The following EFCAB6 variants were observed in gnomAD, a reference collection of about 807,000 sequenced individuals.
EFCAB6 encodes EF-hand calcium binding domain 6.
A neutral mutation model predicts 169.8 loss-of-function variants in EFCAB6; 156 were observed. The observed-to-expected ratio is 0.92, with a 90% CI of 0.81 to 1.05. The LOEUF is 1.05. Ranked by LOEUF, EFCAB6 falls within the 50% of genes least tolerant of loss-of-function variation. The probability of loss-of-function intolerance (pLI) is 0.00; values close to 1 mark genes in which losing one functional copy is unlikely to be tolerated. For synonymous variants in EFCAB6, 698 were observed against 676.4 expected (o/e 1.03, Z -0.50); for missense variants, 1,800 against 1,829.1 (o/e 0.98, Z 0.29).
intron 17 of EFCAB6, among the ~76,000 whole-genome samples, chr22:43,640,072 AT>A (rs1025631765): frequency 2.6e-5 from 4 of 152,036 alleles, no homozygotes; most frequent in Non-Finnish European, 4.4e-5. Context: ...ATCACTGAGC[AT>A]TTTTATAATG....
chr22:43,551,155 A>G (rs1569144130), intron 27 of EFCAB6, among the ~76,000 whole-genome samples: 1 of 152,234 alleles, frequency 6.6e-6, no homozygotes, highest in Non-Finnish European at 1.5e-5. Context: ...AAAAAATGGC[A>G]TGAGGGTCTA....
At chr22:43,561,682 C>T (rs919109627) in intron 26 of EFCAB6, among the ~76,000 whole-genome samples, 2 of 152,180 alleles carry the variant, frequency 1.3e-5, no homozygotes, top group Non-Finnish European at 1.5e-5. Context: ...CCGCCAGCCT[C>T]GCTCGAGTGA....
chr22:43,735,253 G>A (rs915986490), intron 7 of EFCAB6, among the ~76,000 whole-genome samples: 5 of 152,018 alleles, frequency 3.3e-5, no homozygotes, highest in Admixed American at 2.0e-4. Context: ...AGCAGGTGGT[G>A]GTGGCGTTCA....
At chr22:43,715,158 G>A (rs576705558) in intron 9 of EFCAB6, among the ~76,000 whole-genome samples, 8 of 152,216 alleles carry the variant, frequency 5.3e-5, no homozygotes, top group South Asian at 4.2e-4. Context: ...CTCTTTTCTC[G>A]CCTTAGAGTC....
rs748300426 is a variant in EFCAB6, at chr22:43,782,304, C to A, written c.15G>T (p.Ala5=). ...GCGACCTAAGCCAGTCTGGTATAAT[C>A]GCCATTTTGCACATTAAATCCCTGT... is the stretch of plus-strand genomic sequence containing the variant. MCKM[A]IIPDWLRSHP... The change falls in exon 3 of 32, where the codon GCG becomes GCT. Residue 5 remains alanine (A), a synonymous_variant. Transcript: ENST00000262726. The A allele has an allele frequency of 1.9e-6, 3 of 1,612,734 alleles. No homozygotes were observed. Among genetic ancestry groups the A allele is most frequent in the South Asian group, 1.1e-5 (1 of 90,696 alleles).
chr22:43,570,100 G>C (rs1210532453), intron 26 of EFCAB6: 2 of 152,156 alleles, frequency 1.3e-5, no homozygotes, highest in Admixed American at 1.3e-4. Context: ...CCCTTTGGTT[G>C]AAAACTACAT....
intron 17 of EFCAB6, among the ~76,000 whole-genome samples, chr22:43,648,528 G>A (rs1490763636): frequency 6.6e-6 from 1 of 152,156 alleles, no homozygotes; most frequent in Non-Finnish European, 1.5e-5. Flanking sequence ...ACACAATGAT[G>A]AGAATAACAG....
At chr22:43,621,493 T>C (rs1358976544) in intron 20 of EFCAB6, among the ~76,000 whole-genome samples, 1 of 152,084 alleles carries the variant, frequency 6.6e-6, no homozygotes, top group Non-Finnish European at 1.5e-5. Flanking sequence ...TAGAAAATAA[T>C]TTGAAAATGA....
intron 31 of EFCAB6, 54 bp downstream of exon 31, chr22:43,530,761 C>T (rs2047006435): frequency 6.2e-7 from 1 of 1,603,968 alleles, no homozygotes; most frequent in Non-Finnish European, 8.5e-7. Context: ...TTTCTGGCCG[C>T]TGGCATTTGG....
chr22:43,589,979 A>C (rs2051360235), intron 24 of EFCAB6, 95 bp downstream of exon 24: 1 of 1,480,726 alleles, frequency 6.8e-7, no homozygotes, highest in Non-Finnish European at 9.1e-7. Flanking sequence ...TCATCTCAGA[A>C]GGCTGTTTGG....
intron 25 of EFCAB6, among the ~76,000 whole-genome samples, chr22:43,578,558 A>T (rs568119879): frequency 6.6e-6 from 1 of 152,198 alleles, no homozygotes; most frequent in South Asian, 2.1e-4. Flanking sequence ...CCACCTCACC[A>T]GGAGGCTGGT....
chr22:43,533,897 C>T (rs1363153754), intron 30 of EFCAB6, among the ~76,000 whole-genome samples: 1 of 152,136 alleles, frequency 6.6e-6, no homozygotes, highest in Non-Finnish European at 1.5e-5. Flanking sequence ...TGGGCTCTGG[C>T]CTCCTGGAGC....
intron 1 of EFCAB6, among the ~76,000 whole-genome samples, chr22:43,810,614 C>G (rs1256781100): frequency 6.6e-6 from 1 of 152,146 alleles, no homozygotes; most frequent in African/African-American, 2.4e-5. Context: ...CTGCAGAGAT[C>G]AGAGCATGGG....
chr22:43,690,854 T>C (rs1234907357), intron 10 of EFCAB6, among the ~76,000 whole-genome samples: 1 of 151,938 alleles, frequency 6.6e-6, no homozygotes, highest in Non-Finnish European at 1.5e-5. Context: ...CAGGTCTCAA[T>C]GCAATAACTG....
intron 26 of EFCAB6, among the ~76,000 whole-genome samples, chr22:43,564,204 T>C (rs1227701041): frequency 1.3e-5 from 2 of 152,018 alleles, no homozygotes; most frequent in East Asian, 3.9e-4. Context: ...TCCCAGCACT[T>C]TGGGAGGCTA....
In EFCAB6 at chr22:43,758,661, GC is replaced by G. The variant is rs564894662; in HGVS notation, c.441-2830del. Among the ~76,000 whole-genome samples the G allele has an allele frequency of 7.6e-3, 1,155 of 152,006 alleles. 15 individuals carry two copies. The highest frequency in any genetic ancestry group is 0.026 in the African/African-American group (1,093 of 41,486). On this transcript the variant is annotated intron_variant, in intron 5 of 31. Coordinates refer to ENST00000262726, the MANE Select transcript of EFCAB6 (RefSeq NM_022785.4). The stretch of plus-strand genomic sequence containing the variant: ...TTACCCATATTTTGCCACTTTCTTT[GC>G]TTTTCACTCCTAAAATCTCAGACCT...
intron 8 of EFCAB6, among the ~76,000 whole-genome samples, chr22:43,727,444 T>G (rs906075907): frequency 1.3e-5 from 2 of 152,104 alleles, no homozygotes; most frequent in Non-Finnish European, 2.9e-5. Flanking sequence ...AAAAAAAAAT[T>G]TTTAAGCATT....
chr22:43,730,137 G>A (rs1304190117), intron 8 of EFCAB6, among the ~76,000 whole-genome samples: 2 of 146,190 alleles, frequency 1.4e-5, no homozygotes, highest in Non-Finnish European at 3.0e-5. Context: ...AGCTATGATC[G>A]TGTCACTGCA....
chr22:43,694,698 G>A (rs779953443), intron 10 of EFCAB6, among the ~76,000 whole-genome samples: 12 of 151,874 alleles, frequency 7.9e-5, no homozygotes, highest in Admixed American at 4.6e-4. Context: ...TAGAATAATG[G>A]AGAAAAACTA....
Sources: allele counts gnomAD v4.1 joint callset (sites outside exome capture counted in the v4.1 genomes callset), GRCh38; gene constraint gnomAD v4.1.1; transcripts MANE v1.5; gene names NCBI Gene and HGNC (gene_info 2026-07-23, HGNC 2026-07-21).